Variants in INSC observed in about 807,000 individuals in gnomAD.
INSC encodes protein inscuteable homolog.
Under a neutral mutation model 58.6 loss-of-function variants are expected in INSC, and 67 were observed. The ratio of observed to expected loss-of-function variants is 1.14; its 90% CI spans 0.94 to 1.40. The LOEUF (loss-of-function observed/expected upper bound fraction) is 1.40. Ranked by LOEUF, INSC falls within the 40% of genes most tolerant of loss-of-function variation. INSC has a pLI of 0.00. For synonymous variants in INSC, 262 were observed against 276.1 expected (o/e 0.95, Z 0.51); for missense variants, 714 against 692.0 (o/e 1.03, Z -0.36).
chr11:15,112,958 T>C (rs1847602609), upstream of INSC, among the ~76,000 whole-genome samples: 1 of 152,130 alleles, frequency 6.6e-6, no homozygotes, highest in South Asian at 2.1e-4. Context: ...AGAGGTTAAG[T>C]GATTTGTCCA....
At chr11:15,144,385 C>T (rs1191873744) in intron 1 of INSC, among the ~76,000 whole-genome samples, 1 of 152,146 alleles carries the variant, frequency 6.6e-6, no homozygotes, top group Non-Finnish European at 1.5e-5. Context: ...TCTCTAAGGG[C>T]CTTTTCAGCT....
intron 1 of INSC, among the ~76,000 whole-genome samples, chr11:15,141,177 G>C (rs1428039100): frequency 6.6e-6 from 1 of 152,120 alleles, no homozygotes; most frequent in Non-Finnish European, 1.5e-5. Flanking sequence ...GCTCCTCCAA[G>C]AAGGCTGCCT....
chr11:15,248,551 T>A (rs1852616532), downstream of INSC, among the ~76,000 whole-genome samples: 1 of 152,182 alleles, frequency 6.6e-6, no homozygotes, highest in Non-Finnish European at 1.5e-5. Context: ...CTGAGGCCGG[T>A]GTTGAGGGGA....
At chr11:15,245,743 G>T (rs1415298166) in intron 12 of INSC, among the ~76,000 whole-genome samples, 169 bp from the exon 13 acceptor site, 18 of 152,204 alleles carry the variant, frequency 1.2e-4, no homozygotes, top group Admixed American at 1.2e-3. Context: ...ATGTTGACCA[G>T]GTGACCAAGA....
chr11:15,221,071 A>T lies in INSC; in HGVS notation c.820-406A>T, dbSNP rs143652395. On this transcript the variant is annotated intron_variant, in intron 7 of 12. Transcript: ENST00000379556. ...TTGAACGGTGAGGAAACAGAATCTC[A>T]GAGAGGGTAAGTGACTAACGCCAAG... is the stretch of plus-strand genomic sequence containing the variant. Among the ~76,000 whole-genome samples, 277 of 152,306 alleles carry T rather than the reference A, an allele frequency of 1.8e-3. 4 individuals are homozygous for T. In the East Asian group the frequency reaches 0.042, roughly 23 times the overall value.
rs1850558728 is a variant in INSC, at chr11:15,200,870, T to G, written c.740T>G (p.Phe247Cys). The change falls in exon 7 of 13, where the codon TTC (phenylalanine) becomes TGC (cysteine). Residue 247 changes from phenylalanine to cysteine, a missense_variant. Coordinates refer to ENST00000379556, the MANE Select transcript of INSC (RefSeq NM_001042536.3). ...TTCAAGGTTTGCCGGCAGGACAGTT[T>G]CCGGTGCTTGTACCCCCAGGCGCTC... ...ALFKVCRQDS[F>C]RCLYPQALRT... 1.2e-6 allele frequency: 2 copies of G among 1,613,866 alleles called. No individual in the cohort carries two copies. Among genetic ancestry groups the G allele is most frequent in the Admixed American group, 1.7e-5 (1 of 59,994 alleles).
chr11:15,184,328 A>G lies in INSC; in HGVS notation c.579+5881A>G, dbSNP rs112173248. Reference sequence around the variant, plus strand: ...TTTTTGGATTTTTTTTTTCCCATAGAGAATGATCTTCACAATTGTTTGTCA... The same window carrying G: ...TTTTTGGATTTTTTTTTTCCCATAGGGAATGATCTTCACAATTGTTTGTCA... On this transcript the variant is annotated intron_variant, in intron 5 of 12. Transcript: ENST00000379556. 4.0e-3 allele frequency: 634 copies of G among 159,220 alleles called. 2 individuals are homozygous for G. Among genetic ancestry groups the G allele is most frequent in the Non-Finnish European group, 5.7e-3 (411 of 71,664 alleles). 9.9% of individuals were successfully genotyped at this position (159,220 alleles called of 1,614,324 possible). A position where few individuals can be genotyped will look rare whatever the true frequency, so the allele number is the denominator to read the frequency against.
intron 9 of INSC, among the ~76,000 whole-genome samples, chr11:15,226,666 T>C (rs1851652269): frequency 6.6e-6 from 1 of 152,190 alleles, no homozygotes; most frequent in East Asian, 1.9e-4. Flanking sequence ...CCATCACCTC[T>C]TCCAGGCTTA....
In INSC at chr11:15,211,032, A is replaced by T. The variant is rs1792552; in HGVS notation, c.819+10083A>T. 8.5e-3 allele frequency among the ~76,000 whole-genome samples: 1,295 copies of T among 152,158 alleles called. 23 individuals carry two copies. Among genetic ancestry groups the T allele is most frequent in the African/African-American group, 0.029 (1,198 of 41,496 alleles). ...TGGTCACCCACAGAGATAAAGAGAG[A>T]CAGGGAGAAGGAAGGAGGATAAGAA... On this transcript the variant is annotated intron_variant, in intron 7 of 12. Transcript: ENST00000379556.
rs148755142 is a variant in INSC at position 15,123,849 on chromosome 11, C to A, written c.-46+8846C>A. Among the ~76,000 whole-genome samples the A allele has an allele frequency of 3.9e-4, 60 of 152,268 alleles. No homozygotes were observed. The East Asian group carries it at 0.011, about 27-fold the overall frequency. Reference sequence around the variant, plus strand: ...TATCTTTACAATTCTATGGAAGACTCCTTGGAACAAATGATTCACATTTGT... The same window carrying A: ...TATCTTTACAATTCTATGGAAGACTACTTGGAACAAATGATTCACATTTGT... On this transcript the variant is annotated intron_variant, in intron 1 of 12. Coordinates refer to ENST00000379556, the MANE Select transcript of INSC (RefSeq NM_001042536.3).
intron 1 of INSC, among the ~76,000 whole-genome samples, chr11:15,126,144 G>A (rs569546954): frequency 6.6e-6 from 1 of 152,316 alleles, no homozygotes; most frequent in South Asian, 2.1e-4. Context: ...ATTTTACAAT[G>A]AGAGCTGTGT....
downstream of INSC, among the ~76,000 whole-genome samples, chr11:15,251,604 T>C (rs1206203830): frequency 6.6e-6 from 1 of 152,136 alleles, no homozygotes; most frequent in Non-Finnish European, 1.5e-5. Context: ...TGAATAGATA[T>C]CTCTCCAAAG....
chr11:15,188,051 T>G (rs1850036408), intron 5 of INSC: 1 of 318,092 alleles, frequency 3.1e-6, no homozygotes, highest in African/African-American at 2.3e-5. Flanking sequence ...AGACAGGGAA[T>G]CAAGCCAAAG....
At chr11:15,250,958 AAATT>A (rs1286408844), downstream of INSC, among the ~76,000 whole-genome samples, 1 of 152,200 alleles carries the variant, frequency 6.6e-6, no homozygotes, top group Non-Finnish European at 1.5e-5. Flanking sequence ...AGAACTTTGA[AAATT>A]AATTAAAGGC....
intron 2 of INSC, among the ~76,000 whole-genome samples, chr11:15,167,902 T>G (rs563072140): frequency 1.6e-3 from 246 of 152,246 alleles, no homozygotes; most frequent in Non-Finnish European, 2.9e-3. Flanking sequence ...TCTGTGTGGC[T>G]TTGGCCTGAA....
chr11:15,139,158 G>A (rs1180219133), intron 1 of INSC, among the ~76,000 whole-genome samples: 1 of 152,180 alleles, frequency 6.6e-6, no homozygotes, highest in African/African-American at 2.4e-5. Flanking sequence ...CTCAGAAAGG[G>A]AAATAGCTTG....
rs575025004 is a variant in INSC at position 15,135,200 on chromosome 11, A to G, written c.-45-13930A>G. On this transcript the variant is annotated intron_variant, in intron 1 of 12. Coordinates refer to ENST00000379556, the MANE Select transcript of INSC (RefSeq NM_001042536.3). The stretch of plus-strand genomic sequence containing the variant: ...AAGTGCAAGATGTTTTTGGAGCATC[A>G]TAGAACACTCTGTTGGTGGAAAGAT... Among the ~76,000 whole-genome samples the G allele has an allele frequency of 5.2e-4, 79 of 152,336 alleles. 1 individual carries two copies. The South Asian group carries it at 8.1e-3, about 16-fold the overall frequency.
chr11:15,134,327 C>T (rs768778303), intron 1 of INSC, among the ~76,000 whole-genome samples: 3 of 152,082 alleles, frequency 2.0e-5, no homozygotes, highest in Non-Finnish European at 4.4e-5. Context: ...GCATACATCC[C>T]AACTTTGGTT....
At chr11:15,204,107 C>A (rs1296303014) in intron 7 of INSC, among the ~76,000 whole-genome samples, 1 of 152,208 alleles carries the variant, frequency 6.6e-6, no homozygotes. Context: ...GATGTCATGA[C>A]CACGGTGAGA....
Sources: allele counts gnomAD v4.1 joint callset (sites outside exome capture counted in the v4.1 genomes callset), GRCh38; gene constraint gnomAD v4.1.1; transcripts MANE v1.5; gene names NCBI Gene and HGNC (gene_info 2026-07-23, HGNC 2026-07-21).